Variants in SNTG2 observed in about 807,000 individuals in gnomAD.
SNTG2 encodes the protein syntrophin gamma 2.
In SNTG2, 74 loss-of-function variants were observed where a neutral mutation model predicts 70.9. The ratio of observed to expected loss-of-function variants is 1.04; its 90% CI spans 0.86 to 1.27. The LOEUF (loss-of-function observed/expected upper bound fraction) is 1.27, where lower values mean the gene tolerates loss of function less well. Ranked by LOEUF, SNTG2 falls within the 50% of genes most tolerant of loss-of-function variation. The pLI is 0.00. For missense variants in SNTG2, 717 were observed against 690.7 expected, an observed-to-expected ratio of 1.04 and a Z score of -0.43; for synonymous variants, 278 against 273.8, an observed-to-expected ratio of 1.02 and a Z score of -0.15.
intron 1 of SNTG2, among the ~76,000 whole-genome samples, chr2:976,607 T>C (rs905984492): frequency 6.6e-6 from 1 of 152,318 alleles, no homozygotes; most frequent in Admixed American, 6.5e-5. Flanking sequence ...TCTTCAAGGT[T>C]TGCTTAAAGC....
intron 9 of SNTG2, among the ~76,000 whole-genome samples, chr2:1,226,211 G>C (rs1460860510): frequency 6.6e-6 from 1 of 152,134 alleles, no homozygotes; most frequent in African/African-American, 2.4e-5. Flanking sequence ...AAACCTACAT[G>C]GTTATGTCAT....
intron 1 of SNTG2, among the ~76,000 whole-genome samples, chr2:1,007,015 C>T (rs1041504593): frequency 4.6e-5 from 7 of 150,806 alleles, no homozygotes; most frequent in East Asian, 1.9e-4. Context: ...GGCAACAGAG[C>T]GAAACTCCAT....
intron 1 of SNTG2, among the ~76,000 whole-genome samples, chr2:1,051,674 CA>C (rs530925213): frequency 3.2e-4 from 49 of 152,298 alleles, no homozygotes; most frequent in Non-Finnish European, 4.6e-4. Flanking sequence ...CAGTATATGC[CA>C]TGTTGTGAAC....
chr2:1,367,403 A>G lies in SNTG2; in HGVS notation c.1549A>G (p.Lys517Glu). 1 of 1,551,728 alleles carries G rather than the reference A, an allele frequency of 6.4e-7. No homozygotes were observed. The highest frequency in any genetic ancestry group is 1.4e-5 in the African/African-American group (1 of 73,140). Residue 517 changes from lysine to glutamate, a missense_variant, in exon 17 of 17, where the codon AAG becomes GAG. Physicochemically the swap from Lys to Glu is moderately conservative, Grantham distance 56. Transcript: ENST00000308624. ...CTGCATCCACTCCTTCATAGCAGCC[A>G]AGGTGGCCTCCGTGGACCCCGGCTT... The part of the protein sequence containing the change: ...LHCIHSFIAA[K>E]VASVDPGFMD...
At position 1,099,688 on chromosome 2, in the gene SNTG2, G is replaced by A. The variant is rs901811921; in HGVS notation, c.325+1278G>A. ...TGGGTGTGGTGAGGGCAGTTGTGGTGAGGGCAGTCATGGTCAGGTCAGCCA... is the reference window on the plus strand; with the variant it reads ...TGGGTGTGGTGAGGGCAGTTGTGGTAAGGGCAGTCATGGTCAGGTCAGCCA... On this transcript the variant is annotated intron_variant, in intron 4 of 16. Transcript: ENST00000308624. Among the ~76,000 whole-genome samples the A allele has an allele frequency of 1.4e-3, 71 of 50,068 alleles. 1 individual carries two copies. Among genetic ancestry groups the A allele is most frequent in the African/African-American group, 4.8e-3 (61 of 12,776 alleles). 32.8% of individuals were successfully genotyped at this position (50,068 alleles called of 152,430 possible). A position where few individuals can be genotyped will look rare whatever the true frequency, so the allele number is the denominator to read the frequency against.
At chr2:1,150,889 G>C (rs4292122) in intron 6 of SNTG2, among the ~76,000 whole-genome samples, 142,595 of 152,080 alleles carry the variant, frequency 0.94, 66,967 homozygotes, top group Non-Finnish European at 0.97. Flanking sequence ...GGCTCCCTCC[G>C]TGTGCCCAGA....
intron 1 of SNTG2, among the ~76,000 whole-genome samples, chr2:1,004,838 T>C (rs1435613427): frequency 6.6e-6 from 1 of 152,234 alleles, no homozygotes; most frequent in African/African-American, 2.4e-5. Flanking sequence ...TGAAAACTTA[T>C]GTACCCACAC....
At chr2:960,903 C>G (rs1412039750) in intron 1 of SNTG2, among the ~76,000 whole-genome samples, 2 of 152,224 alleles carry the variant, frequency 1.3e-5, no homozygotes, top group Non-Finnish European at 2.9e-5. Context: ...CTTGGGACTC[C>G]TCACCTGCCC....
At chr2:1,202,344 G>A (rs1452320821) in intron 8 of SNTG2, among the ~76,000 whole-genome samples, 1 of 151,740 alleles carries the variant, frequency 6.6e-6, no homozygotes, top group Non-Finnish European at 1.5e-5. Flanking sequence ...TGAGGTATAG[G>A]AAGATTGATG....
intron 6 of SNTG2, among the ~76,000 whole-genome samples, chr2:1,155,164 CGTA>C (rs1336591190): frequency 1.9e-5 from 1 of 52,130 alleles, no homozygotes; most frequent in Non-Finnish European, 3.4e-5. Context: ...CACACACACA[CGTA>C]GACCCCCCCC....
intron 6 of SNTG2, among the ~76,000 whole-genome samples, chr2:1,142,375 A>G (rs1197703037): frequency 6.6e-6 from 1 of 152,192 alleles, no homozygotes; most frequent in Non-Finnish European, 1.5e-5. Context: ...TCCAGGGTCC[A>G]CCATCCCTTT....
At chr2:985,393 G>T (rs1019841361) in intron 1 of SNTG2, among the ~76,000 whole-genome samples, 1 of 151,886 alleles carries the variant, frequency 6.6e-6, no homozygotes, top group Admixed American at 6.6e-5. Context: ...AAGGGTTTGT[G>T]TGAGCTCAGG....
At chr2:1,127,692 T>A (rs1158142297) in intron 4 of SNTG2, among the ~76,000 whole-genome samples, 4 of 151,996 alleles carry the variant, frequency 2.6e-5, no homozygotes, top group Non-Finnish European at 5.9e-5. Context: ...TTCCAAGGGG[T>A]GTGTGTGTAT....
At chr2:1,216,031 T>C (rs1168258322) in intron 9 of SNTG2, among the ~76,000 whole-genome samples, 1 of 152,220 alleles carries the variant, frequency 6.6e-6, no homozygotes. Flanking sequence ...GCATGTGTCT[T>C]TATAGCAGCA....
intron 4 of SNTG2, among the ~76,000 whole-genome samples, chr2:1,125,074 A>G (rs977318420): frequency 2.0e-5 from 3 of 152,300 alleles, no homozygotes; most frequent in Admixed American, 2.0e-4. Context: ...TACTGTTATT[A>G]TTAATAGTAA....
At chr2:1,037,656 C>T (rs1481069625) in intron 1 of SNTG2, among the ~76,000 whole-genome samples, 1 of 151,988 alleles carries the variant, frequency 6.6e-6, no homozygotes, top group African/African-American at 2.4e-5. Context: ...ATACACAGAA[C>T]ATAGGACGTC....
At position 1,186,379 on chromosome 2, in the gene SNTG2, T is replaced by C. The variant is rs549378103; in HGVS notation, c.591+13196T>C. On this transcript the variant is annotated intron_variant, in intron 8 of 16. Transcript: ENST00000308624. ...TGCCATTACCCAGTTCCAAAGTCAC[T>C]TTCACATTTTCAGGTATCTTTATAG... 4.6e-5 allele frequency among the ~76,000 whole-genome samples: 7 copies of C among 152,348 alleles called. No homozygotes were observed. The East Asian group carries it at 1.3e-3, about 29-fold the overall frequency.
At chr2:1,295,802 T>A (rs1680182608) in intron 14 of SNTG2, among the ~76,000 whole-genome samples, 1 of 151,052 alleles carries the variant, frequency 6.6e-6, no homozygotes, top group African/African-American at 2.4e-5. Context: ...CAGGCAGATG[T>A]CACCATCAAT....
chr2:1,224,027 C>T (rs922175060), intron 9 of SNTG2, among the ~76,000 whole-genome samples: 31 of 151,558 alleles, frequency 2.0e-4, no homozygotes, highest in African/African-American at 7.6e-4. Flanking sequence ...TGGTGAGGGC[C>T]TGTCCTGCAT....
Sources: gnomAD v4.1 joint callset for allele counts (sites outside exome capture counted in the v4.1 genomes callset) on GRCh38, gnomAD v4.1.1 for gene constraint, MANE v1.5 for transcripts, NCBI Gene and HGNC (gene_info 2026-07-23, HGNC 2026-07-21) for gene names.